Variants in ACER2 observed in about 807,000 individuals in gnomAD.
ACER2 encodes alkaline ceramidase 2, also known as alkCDase 2.
Under a neutral mutation model 34.7 loss-of-function variants are expected in ACER2, and 26 were observed. The ratio of observed to expected loss-of-function variants is 0.75; its 90% CI spans 0.55 to 1.04. ACER2 has a LOEUF of 1.04. Ranked by LOEUF, ACER2 falls within the 50% of genes least tolerant of loss-of-function variation. ACER2 has a pLI of 0.00. For missense variants in ACER2, 352 were observed against 340.8 expected (o/e 1.03, Z -0.26); for synonymous variants, 138 against 132.1 (o/e 1.04, Z -0.31).
intron 1 of ACER2, chr9:19,409,689 A>T: frequency 2.1e-6 from 2 of 966,734 alleles, no homozygotes; most frequent in Non-Finnish European, 2.5e-6. Flanking sequence ...GACTTGCCCC[A>T]CCCCCAAGAA....
chr9:19,443,503 A>C lies in ACER2; in HGVS notation c.504-2778A>C, dbSNP rs182847567. Among the ~76,000 whole-genome samples, 22 of 152,320 alleles carry C rather than the reference A, an allele frequency of 1.4e-4. No individual in the cohort carries two copies. In the East Asian group the frequency reaches 3.9e-3, roughly 27 times the overall value. On this transcript the variant is annotated intron_variant, in intron 4 of 5. Transcript: ENST00000340967. ...TAATCTAAAAATAATGTTCTGCCCA[A>C]ATTACAAATTACCAAATTAGGGTCC...
At chr9:19,415,139 A>G (rs1232620224) in intron 1 of ACER2, among the ~76,000 whole-genome samples, 1 of 152,196 alleles carries the variant, frequency 6.6e-6, no homozygotes, top group African/African-American at 2.4e-5. Flanking sequence ...TTTCAGTATT[A>G]TTTGAAGCAT....
chr9:19,422,446 G>A (rs1478744094), intron 1 of ACER2, among the ~76,000 whole-genome samples: 1 of 152,060 alleles, frequency 6.6e-6, no homozygotes, highest in Non-Finnish European at 1.5e-5. Flanking sequence ...ATAACAGAGA[G>A]GCTTAAATCC....
chr9:19,446,103 T>C, intron 4 of ACER2, 178 bp from the exon 5 acceptor site: 1 of 930,330 alleles, frequency 1.1e-6, no homozygotes. Flanking sequence ...GTGAGCCATC[T>C]GTGTACATAT....
chr9:19,439,730 G>T (rs1311669415), intron 4 of ACER2, among the ~76,000 whole-genome samples: 1 of 152,202 alleles, frequency 6.6e-6, no homozygotes, highest in Non-Finnish European at 1.5e-5. Flanking sequence ...CACTTTGGGA[G>T]GCCGAGGAGG....
chr9:19,413,191 T>C (rs963979545), intron 1 of ACER2, among the ~76,000 whole-genome samples: 30 of 152,364 alleles, frequency 2.0e-4, no homozygotes, highest in African/African-American at 7.2e-4. Flanking sequence ...CCAAGCCTAA[T>C]ATCTCTTCCA....
intron 1 of ACER2, among the ~76,000 whole-genome samples, chr9:19,416,060 C>CTTTT (rs10645109): frequency 2.1e-5 from 3 of 144,944 alleles, no homozygotes; most frequent in East Asian, 2.0e-4. Flanking sequence ...AACTTTATTC[C>CTTTT]TTTTTTTTTT....
At chr9:19,446,241 C>T (rs545396631) in intron 4 of ACER2, 40 bp from the exon 5 acceptor site, 2 of 1,613,940 alleles carry the variant, frequency 1.2e-6, no homozygotes, top group African/African-American at 2.7e-5. Flanking sequence ...GAGGTGGAGA[C>T]AAGGTCTGAC....
At chr9:19,431,457 A>C (rs1321388145) in intron 3 of ACER2, among the ~76,000 whole-genome samples, 1 of 152,230 alleles carries the variant, frequency 6.6e-6, no homozygotes, top group Non-Finnish European at 1.5e-5. Context: ...CTTTGGGTAC[A>C]GAGAGGTGAC....
intron 1 of ACER2, among the ~76,000 whole-genome samples, chr9:19,417,731 A>G (rs916260456): frequency 2.6e-5 from 4 of 152,340 alleles, no homozygotes; most frequent in South Asian, 4.1e-4. Flanking sequence ...AGACTTAAAC[A>G]TAAGACCTAA....
intron 4 of ACER2, among the ~76,000 whole-genome samples, chr9:19,443,086 A>G (rs1317989760): frequency 6.6e-6 from 1 of 150,620 alleles, no homozygotes; most frequent in Non-Finnish European, 1.5e-5. Flanking sequence ...GCTGGAGTGC[A>G]GTGGCGCGAT....
At chr9:19,413,645 T>C (rs1415039849) in intron 1 of ACER2, among the ~76,000 whole-genome samples, 2 of 150,466 alleles carry the variant, frequency 1.3e-5, no homozygotes, top group Non-Finnish European at 3.0e-5. Context: ...CCCAGTCACA[T>C]AGACCTAGCC....
At chr9:19,448,422 T>A (rs1323104744) in intron 5 of ACER2, among the ~76,000 whole-genome samples, 1 of 152,250 alleles carries the variant, frequency 6.6e-6, no homozygotes, top group East Asian at 1.9e-4. Context: ...TTGTGTCTAA[T>A]AAATGCTTCA....
At chr9:19,436,348 TAAATTG>T in intron 4 of ACER2, among the ~76,000 whole-genome samples, 1 of 152,328 alleles carries the variant, frequency 6.6e-6, no homozygotes, top group African/African-American at 2.4e-5. Context: ...TTTTTGTAGA[TAAATTG>T]GAGAATATAG....
intron 1 of ACER2, among the ~76,000 whole-genome samples, chr9:19,421,413 A>T (rs1830404474): frequency 6.6e-6 from 1 of 152,270 alleles, no homozygotes. Flanking sequence ...ACCATAAAAA[A>T]GAATAAGTTA....
chr9:19,419,492 A>C (rs558584577), intron 1 of ACER2, among the ~76,000 whole-genome samples: 1 of 152,180 alleles, frequency 6.6e-6, no homozygotes, highest in Non-Finnish European at 1.5e-5. Context: ...AAGGCTGAGC[A>C]TGGGAGCTCA....
At chr9:19,415,792 C>G (rs1041146757) in intron 1 of ACER2, among the ~76,000 whole-genome samples, 3 of 152,004 alleles carry the variant, frequency 2.0e-5, no homozygotes, top group Admixed American at 6.6e-5. Context: ...CATTATATTT[C>G]TCAACATTAT....
intron 1 of ACER2, among the ~76,000 whole-genome samples, chr9:19,415,555 A>G (rs1355870752): frequency 3.9e-5 from 6 of 152,074 alleles, no homozygotes; most frequent in Non-Finnish European, 8.8e-5. Flanking sequence ...ATTAAAAAAA[A>G]GTTTTACATA....
intron 2 of ACER2, 102 bp from the exon 3 acceptor site, chr9:19,424,598 G>T: frequency 6.5e-7 from 1 of 1,529,820 alleles, no homozygotes; most frequent in Non-Finnish European, 8.7e-7. Flanking sequence ...GAGTGATCTG[G>T]TGACTGTGTT....
Sources: gnomAD v4.1 joint callset for allele counts (sites outside exome capture counted in the v4.1 genomes callset) on GRCh38, gnomAD v4.1.1 for gene constraint, MANE v1.5 for transcripts, NCBI Gene and HGNC (gene_info 2026-07-23, HGNC 2026-07-21) for gene names.